The following RALB variants were observed in gnomAD, a reference collection of about 807,000 sequenced individuals.
The protein encoded by RALB is RAS like proto-oncogene B.
RALB carries 16 observed loss-of-function variants against 21.3 expected under a neutral mutation model. The observed-to-expected ratio is 0.75, with a 90% CI of 0.51 to 1.14. The LOEUF is 1.14. Among genes scored for constraint, RALB ranks in the 50% most tolerant of loss-of-function variants. RALB has a pLI of 0.00. For synonymous variants in RALB, 93 were observed against 96.1 expected, an observed-to-expected ratio of 0.97 and a Z score of 0.19; for missense variants, 161 against 256.2, an observed-to-expected ratio of 0.63 and a Z score of 2.54.
intron 1 of RALB, among the ~76,000 whole-genome samples, chr2:120,259,936 T>C (rs6542582): frequency 0.69 from 105,530 of 152,090 alleles, 37,208 homozygotes; most frequent in Middle Eastern, 0.8. Flanking sequence ...TCGAGCGCAG[T>C]GCCGGTGGGC....
upstream of RALB, among the ~76,000 whole-genome samples, chr2:120,248,901 C>T (rs1689011612): frequency 6.6e-6 from 1 of 151,936 alleles, no homozygotes; most frequent in Non-Finnish European, 1.5e-5. Flanking sequence ...AACTCCTGAC[C>T]CCAGGAGATT....
intron 1 of RALB, among the ~76,000 whole-genome samples, chr2:120,254,700 C>T (rs568541496): frequency 6.6e-5 from 10 of 152,068 alleles, no homozygotes; most frequent in East Asian, 3.9e-4. Flanking sequence ...TTTTTGGGGG[C>T]AGAGTCTTGC....
chr2:120,287,303 C>T (rs916638676), intron 3 of RALB, among the ~76,000 whole-genome samples: 6 of 152,170 alleles, frequency 3.9e-5, no homozygotes, highest in African/African-American at 1.4e-4. Context: ...TTCATAGCTC[C>T]AGGCTTCAGA....
rs1689088032 is a variant in RALB, at chr2:120,252,874, T to C, written c.-154T>C. On this transcript the variant is annotated 5_prime_UTR_variant, in exon 1 of 5. The change abolishes an upstream ATG in the 5' untranslated region. Transcript: ENST00000272519. ...TGGGAAAGCGAGCCCGGCAGCTCAA[T>C]GACAAATCGGTGGAGGACGGCTGGG... The C allele has an allele frequency of 1.0e-6, 1 of 985,382 alleles. No individual in the cohort carries two copies. The highest frequency in any genetic ancestry group is 6.1e-5 in the Admixed American group (1 of 16,276). The allele number at this position is 985,382 out of a possible 1,614,324, so 61.0% of individuals were successfully genotyped here. A position where few individuals can be genotyped will look rare whatever the true frequency, so the allele number is the denominator to read the frequency against.
At chr2:120,288,900 G>A (rs1025504696) in intron 3 of RALB, among the ~76,000 whole-genome samples, 1 of 152,152 alleles carries the variant, frequency 6.6e-6, no homozygotes, top group Non-Finnish European at 1.5e-5. Context: ...ATGGAAACTG[G>A]GGATGGGATG....
At chr2:120,265,535 T>C (rs150015202) in intron 1 of RALB, among the ~76,000 whole-genome samples, 32 of 152,356 alleles carry the variant, frequency 2.1e-4, no homozygotes, top group African/African-American at 6.5e-4. Context: ...TTTTTCTCCC[T>C]CTTTAGTGAG....
At chr2:120,249,900 C>G (rs781747917), upstream of RALB, among the ~76,000 whole-genome samples, 12 of 152,206 alleles carry the variant, frequency 7.9e-5, no homozygotes, top group Non-Finnish European at 1.6e-4. Context: ...GGCCTCCTGG[C>G]CATTCTCAGC....
intron 3 of RALB, among the ~76,000 whole-genome samples, chr2:120,287,008 A>C (rs12613616): frequency 0.12 from 18,701 of 152,298 alleles, 1,394 homozygotes; most frequent in Non-Finnish European, 0.17. Flanking sequence ...AGTTTTAAAA[A>C]ATCTGTTCTT....
chr2:120,264,243 T>C (rs946550186), intron 1 of RALB, among the ~76,000 whole-genome samples: 6 of 149,566 alleles, frequency 4.0e-5, no homozygotes, highest in Non-Finnish European at 7.4e-5. Context: ...CTCTGCCTTC[T>C]GGGTTCAAGC....
intron 1 of RALB, among the ~76,000 whole-genome samples, chr2:120,277,661 G>A (rs1689849978): frequency 6.9e-6 from 1 of 145,172 alleles, no homozygotes; most frequent in Non-Finnish European, 1.5e-5. Context: ...AAAGTGTTGT[G>A]AGAGCGTTGT....
chr2:120,286,706 T>C (rs1266010708), intron 3 of RALB, among the ~76,000 whole-genome samples: 1 of 152,220 alleles, frequency 6.6e-6, no homozygotes, highest in Non-Finnish European at 1.5e-5. Flanking sequence ...AATGAAAGGA[T>C]GTATTAGACT....
chr2:120,259,481 AG>A (rs1689291024), intron 1 of RALB, among the ~76,000 whole-genome samples: 1 of 152,230 alleles, frequency 6.6e-6, no homozygotes, highest in Non-Finnish European at 1.5e-5. Context: ...AGCTAAACAC[AG>A]GGTGCTGATT....
At chr2:120,247,654 A>C (rs1358969822) in intron 1 of RALB, among the ~76,000 whole-genome samples, 1 of 152,248 alleles carries the variant, frequency 6.6e-6, no homozygotes, top group East Asian at 1.9e-4. Flanking sequence ...AAGCGTTTGA[A>C]TATGTTTGGG....
At chr2:120,256,024 C>T (rs1689192114) in intron 1 of RALB, among the ~76,000 whole-genome samples, 1 of 152,168 alleles carries the variant, frequency 6.6e-6, no homozygotes, top group Non-Finnish European at 1.5e-5. Flanking sequence ...TTTTCTGTTG[C>T]TGCATAACAA....
Position 120,252,993 on chromosome 2 carries a change from CGCCCGCGGGCCCCGGGCGGGGT to C in RALB, c.-48+15_-48+36del, listed in dbSNP as rs1193178325. ...GGACTGGTCCCTGGTAAGGGCGCGG[CGCCCGCGGGCCCCGGGCGGGGT>C]GGGGCGCGGGCTGGGGAGTGGGGTA... On this transcript the variant is annotated intron_variant, in intron 1 of 4. Coordinates refer to ENST00000272519, the MANE Select transcript of RALB (RefSeq NM_002881.3). 2.2e-5 allele frequency: 22 copies of C among 984,274 alleles called. No individual in the cohort carries two copies. Among genetic ancestry groups the C allele is most frequent in the South Asian group, 4.7e-5 (1 of 21,292 alleles). 61.0% of individuals were successfully genotyped at this position (984,274 alleles called of 1,614,324 possible).
At chr2:120,259,814 G>A (rs1282213031) in intron 1 of RALB, among the ~76,000 whole-genome samples, 9 of 152,188 alleles carry the variant, frequency 5.9e-5, no homozygotes, top group South Asian at 2.1e-4. Flanking sequence ...GGCGCTCGTC[G>A]GGGAGGCTCG....
chr2:120,283,235 A>C (rs1690041465), intron 2 of RALB, among the ~76,000 whole-genome samples: 1 of 152,216 alleles, frequency 6.6e-6, no homozygotes, highest in East Asian at 1.9e-4. Flanking sequence ...AATGTGGCCC[A>C]ACACAGATTT....
rs985765305 is a variant in RALB at position 120,270,615 on chromosome 2, C to T, written c.-47-8003C>T. On this transcript the variant is annotated intron_variant, in intron 1 of 4. Transcript: ENST00000272519. ...ACAATGGAAAATAACTGGTTAAAATCGGTTAGTTTTTGTTGTAAGGATTAA... is the reference window on the plus strand; with the variant it reads ...ACAATGGAAAATAACTGGTTAAAATTGGTTAGTTTTTGTTGTAAGGATTAA... Among the ~76,000 whole-genome samples, 16 of 152,044 alleles carry T rather than the reference C, an allele frequency of 1.1e-4. No homozygotes were observed. The East Asian group carries it at 2.9e-3, about 28-fold the overall frequency.
chr2:120,243,261 C>T (rs959575726), intron 1 of RALB, among the ~76,000 whole-genome samples: 4 of 152,300 alleles, frequency 2.6e-5, no homozygotes, highest in South Asian at 2.1e-4. Context: ...CGTGAAAATG[C>T]GTGGACAGAT....
Sources: allele counts gnomAD v4.1 joint callset (sites outside exome capture counted in the v4.1 genomes callset), GRCh38; gene constraint gnomAD v4.1.1; transcripts MANE v1.5; gene names NCBI Gene and HGNC (gene_info 2026-07-23, HGNC 2026-07-21).